UTRN: variants seen among roughly 807,000 people sequenced by gnomAD.
The protein encoded by UTRN is utrophin.
UTRN carries 283 observed loss-of-function variants against 463.9 expected under a neutral mutation model. That is an observed-to-expected ratio of 0.61 (90% CI 0.55 to 0.67). The LOEUF is 0.67. Ranked by LOEUF, UTRN falls within the 30% of genes least tolerant of loss-of-function variation. The pLI is 0.00. For missense variants in UTRN, 3,922 were observed against 4,084.3 expected, an observed-to-expected ratio of 0.96 and a Z score of 1.08; for synonymous variants, 1,442 against 1,431.5, an observed-to-expected ratio of 1.01 and a Z score of -0.17.
intron 51 of UTRN, among the ~76,000 whole-genome samples, chr6:144,589,183 A>G (rs571634981): frequency 6.6e-6 from 1 of 152,322 alleles, no homozygotes; most frequent in Admixed American, 6.5e-5. Flanking sequence ...ACAATAGACA[A>G]CTATTTTGTT....
In UTRN at chr6:144,678,711, T is replaced by A. The variant is rs566440834; in HGVS notation, c.7652+133T>A. 3.1e-5 allele frequency: 27 copies of A among 871,290 alleles called. No homozygotes were observed. In the East Asian group the frequency reaches 6.7e-4, roughly 22 times the overall value. The allele number at this position is 871,290 out of a possible 1,614,324, so 54.0% of individuals were successfully genotyped here. A position where few individuals can be genotyped will look rare whatever the true frequency, so the allele number is the denominator to read the frequency against. ...CATCAGAAATAGTTTAAGATTTTAA[T>A]GCAAAGCCTGTTTCCTTGAGTTATA... On this transcript the variant is annotated intron_variant, in intron 52 of 74. Transcript: ENST00000367545.
chr6:144,768,948 G>GTTTTTTTTTTTTTTTTTTTTTTT (rs35525101), intron 58 of UTRN, among the ~76,000 whole-genome samples: 2 of 126,028 alleles, frequency 1.6e-5, no homozygotes, highest in Admixed American at 8.6e-5. Context: ...TTTGTTTTTT[G>GTTTTTTTTTTTTTTTTTTTTTTT]TTTTGTTTTG....
chr6:144,484,432 CTTTTTTTT>C (rs765122659), intron 27 of UTRN, among the ~76,000 whole-genome samples: 94 of 66,262 alleles, frequency 1.4e-3, no homozygotes, highest in African/African-American at 6.0e-3. Flanking sequence ...AAAAACCAAA[CTTTTTTTT>C]TTTTTTTTTT....
Position 144,813,423 on chromosome 6 carries a change from G to A in UTRN, c.9358-7459G>A, listed in dbSNP as rs575879509. 5.8e-3 allele frequency among the ~76,000 whole-genome samples: 875 copies of A among 152,142 alleles called. 3 individuals carry two copies. Among genetic ancestry groups the A allele is most frequent in the Non-Finnish European group, 9.7e-3 (660 of 67,980 alleles). On this transcript the variant is annotated intron_variant, in intron 65 of 74. Coordinates refer to ENST00000367545, the MANE Select transcript of UTRN (RefSeq NM_007124.3). Reference sequence around the variant, plus strand: ...AGGATGATCTCGATCTCCTGACCTCGTGATCCGCCCGCCTCGGCCTCCCCA... The same window carrying A: ...AGGATGATCTCGATCTCCTGACCTCATGATCCGCCCGCCTCGGCCTCCCCA...
Position 144,451,473 on chromosome 6 carries a change from G to T in UTRN, c.2176G>T (p.Glu726Ter). 3 of 1,609,030 alleles carry T rather than the reference G, an allele frequency of 1.9e-6. No homozygotes were observed. Among genetic ancestry groups the T allele is most frequent in the Non-Finnish European group, 2.5e-6 (3 of 1,178,504 alleles). Residue 726 changes from glutamate (E) to a stop codon, truncating the protein, a stop_gained, in exon 18 of 75, where the codon GAA (glutamate) becomes TAA (stop). Coordinates refer to ENST00000367545, the MANE Select transcript of UTRN (RefSeq NM_007124.3). LOFTEE classifies it high-confidence loss of function. The stretch of plus-strand genomic sequence containing the variant: ...GTATATGAAGATGCAAGACACTTCC[G>T]AAATGAAAAAGAAGTTGAAGGTAAA... Reference protein sequence around the residue: ...KEYMKMQDTSEMKKKLKALEK... With the variant: ...KEYMKMQDTS
At chr6:144,811,739 T>TAA (rs5880615) in intron 65 of UTRN, among the ~76,000 whole-genome samples, 17,555 of 147,918 alleles carry the variant, frequency 0.12, 1,649 homozygotes, top group Admixed American at 0.32. Context: ...GTTTTATAGT[T>TAA]AAAAAAAAAA....
rs886526057 is a variant in UTRN, at chr6:144,852,889, T to C, written c.*1892T>C. On this transcript the variant is annotated 3_prime_UTR_variant, in exon 75 of 75. Transcript: ENST00000367545. ...TACATTGTAACCTTCTAAGTAATAA[T>C]AAATAAAAAGAAATATATTGCAGTA... The C allele has an allele frequency of 2.0e-5, 3 of 152,584 alleles. No homozygotes were observed. The highest frequency in any genetic ancestry group is 7.2e-5 in the African/African-American group (3 of 41,454). 9.5% of individuals were successfully genotyped at this position (152,584 alleles called of 1,614,324 possible). A position where few individuals can be genotyped will look rare whatever the true frequency, so the allele number is the denominator to read the frequency against.
At chr6:144,751,269 A>G (rs1365268548) in intron 55 of UTRN, among the ~76,000 whole-genome samples, 1 of 152,208 alleles carries the variant, frequency 6.6e-6, no homozygotes, top group African/African-American at 2.4e-5. Flanking sequence ...AATGGCATAC[A>G]TTTTCCAGAG....
intron 29 of UTRN, among the ~76,000 whole-genome samples, 183 bp from the exon 30 acceptor site, chr6:144,488,490 A>G (rs532098828): frequency 1.8e-3 from 269 of 152,290 alleles, no homozygotes; most frequent in African/African-American, 6.1e-3. Flanking sequence ...ATTCAGCTGC[A>G]TGGTACATAA....
intron 2 of UTRN, among the ~76,000 whole-genome samples, chr6:144,303,113 G>C (rs1333049465): frequency 6.6e-6 from 1 of 152,204 alleles, no homozygotes; most frequent in Non-Finnish European, 1.5e-5. Flanking sequence ...GTTAGGGGGA[G>C]GCAGGGAACA....
chr6:144,778,259 G>A (rs6933572), intron 60 of UTRN, among the ~76,000 whole-genome samples: 320 of 152,210 alleles, frequency 2.1e-3, no homozygotes, highest in African/African-American at 6.2e-3. Flanking sequence ...CTGATGACTC[G>A]GGGTATTGGG....
intron 2 of UTRN, among the ~76,000 whole-genome samples, chr6:144,299,526 C>T (rs1230189386): frequency 6.6e-6 from 1 of 151,562 alleles, no homozygotes; most frequent in African/African-American, 2.4e-5. Context: ...GTGATGAAAC[C>T]TGGTGCATTT....
Position 144,816,677 on chromosome 6 carries a change from A to C in UTRN, c.9358-4205A>C, listed in dbSNP as rs181772114. Among the ~76,000 whole-genome samples, 33 of 150,256 alleles carry C rather than the reference A, an allele frequency of 2.2e-4. No homozygotes were observed. The East Asian group carries it at 6.4e-3, about 29-fold the overall frequency. On this transcript the variant is annotated intron_variant, in intron 65 of 74. Coordinates refer to ENST00000367545, the MANE Select transcript of UTRN (RefSeq NM_007124.3). Reference sequence around the variant, plus strand: ...CCAAACGTGTTATATACACCATTTAAATCTTTTTTAAGTAGCTGGGACTGC... The same window carrying C: ...CCAAACGTGTTATATACACCATTTACATCTTTTTTAAGTAGCTGGGACTGC...
At chr6:144,403,605 T>C (rs1466634294) in intron 3 of UTRN, among the ~76,000 whole-genome samples, 1 of 152,256 alleles carries the variant, frequency 6.6e-6, no homozygotes, top group Non-Finnish European at 1.5e-5. Flanking sequence ...ATTTTTATTC[T>C]TGTGGATGTG....
chr6:144,522,145 T>C lies in UTRN; in HGVS notation c.5707T>C (p.Phe1903Leu). Reference sequence around the variant, plus strand: ...GCTCAACACTGCTATTTACGAAGACTTCTCTTTTCAGGAAGACTCTCTGAA... The same window carrying C: ...GCTCAACACTGCTATTTACGAAGACCTCTCTTTTCAGGAAGACTCTCTGAA... ...PELNTAIYED[F>L]SFQEDSLKNI... Residue 1903 changes from phenylalanine to leucine, a missense_variant, in exon 40 of 75, where the codon TTC (phenylalanine) becomes CTC (leucine). Transcript: ENST00000367545. The C allele has an allele frequency of 6.5e-7, 1 of 1,543,582 alleles. No individual in the cohort carries two copies. Among genetic ancestry groups the C allele is most frequent in the South Asian group, 1.3e-5 (1 of 78,394 alleles).
intron 57 of UTRN, 89 bp downstream of exon 57, chr6:144,754,887 TA>T: frequency 7.9e-7 from 1 of 1,258,818 alleles, no homozygotes; most frequent in South Asian, 1.3e-5. Flanking sequence ...TTCCTTGCTA[TA>T]AATATGTTTA....
At chr6:144,733,801 A>C (rs1184978217) in intron 54 of UTRN, among the ~76,000 whole-genome samples, 2 of 152,216 alleles carry the variant, frequency 1.3e-5, no homozygotes, top group African/African-American at 4.8e-5. Flanking sequence ...ACTGAGGTCC[A>C]TCGAGGAAAA....
At chr6:144,509,504 C>A (rs571070069) in intron 34 of UTRN, among the ~76,000 whole-genome samples, 2 of 151,868 alleles carry the variant, frequency 1.3e-5, no homozygotes, top group Admixed American at 1.3e-4. Flanking sequence ...TCCATTTAAT[C>A]TTATTTCAGA....
chr6:144,365,777 A>T (rs1422835427), intron 2 of UTRN, among the ~76,000 whole-genome samples: 1 of 152,146 alleles, frequency 6.6e-6, no homozygotes, highest in African/African-American at 2.4e-5. Flanking sequence ...TTGCTCTGTC[A>T]CCCAGGCTGG....
Sources: allele counts gnomAD v4.1 joint callset (sites outside exome capture counted in the v4.1 genomes callset), GRCh38; gene constraint gnomAD v4.1.1; transcripts MANE v1.5; gene names NCBI Gene and HGNC (gene_info 2026-07-23, HGNC 2026-07-21).